Variants in SEPTIN10 observed in about 807,000 individuals in gnomAD.
The protein encoded by SEPTIN10 is septin-10.
In SEPTIN10, 66 loss-of-function variants were observed where a neutral mutation model predicts 54.8. That is an observed-to-expected ratio of 1.21 (90% CI 0.99 to 1.48). SEPTIN10 has a LOEUF of 1.48. Among genes scored for constraint, SEPTIN10 ranks in the 40% most tolerant of loss-of-function variants. SEPTIN10 has a pLI of 0.00. For synonymous variants in SEPTIN10, 161 were observed against 181.0 expected, an observed-to-expected ratio of 0.89 and a Z score of 0.89; for missense variants, 620 against 545.6, an observed-to-expected ratio of 1.14 and a Z score of -1.36.
At chr2:109,560,812 C>T (rs574344430) in intron 8 of SEPTIN10, among the ~76,000 whole-genome samples, 17 of 152,170 alleles carry the variant, frequency 1.1e-4, no homozygotes, top group Admixed American at 2.6e-4. Flanking sequence ...GGAGACTAGG[C>T]GTCTCCTTCT....
chr2:109,550,089 G>A (rs529216645), intron 9 of SEPTIN10, among the ~76,000 whole-genome samples: 9 of 151,760 alleles, frequency 5.9e-5, no homozygotes, highest in African/African-American at 1.9e-4. Context: ...TCAGGAGTTC[G>A]AGACCAGCCT....
chr2:109,601,181 G>A (rs995971990), intron 1 of SEPTIN10, among the ~76,000 whole-genome samples: 2 of 152,170 alleles, frequency 1.3e-5, no homozygotes, highest in East Asian at 3.9e-4. Flanking sequence ...GAGACTGGGG[G>A]ATGAAACTGA....
chr2:109,566,120 T>A (rs1465031878), intron 6 of SEPTIN10, among the ~76,000 whole-genome samples: 2 of 151,904 alleles, frequency 1.3e-5, no homozygotes, highest in African/African-American at 2.4e-5. Context: ...AAAATTTATT[T>A]ATTTATTTTT....
At position 109,567,820 on chromosome 2, in the gene SEPTIN10, T is replaced by C. The variant is rs1243276268; in HGVS notation, c.757A>G (p.Met253Val). The change falls in exon 6 of 11, where the codon ATG becomes GTG. Residue 253 changes from methionine to valine, a missense_variant. By Grantham distance (21) the Met-to-Val change is conservative (BLOSUM62 1). Coordinates refer to ENST00000397712, the MANE Select transcript of SEPTIN10 (RefSeq NM_144710.5). The part of the protein sequence containing the change: ...DDTIAKVNAA[M>V]NGQLPFAVVG... Reference sequence around the variant, plus strand: ...ACATTCAATCAGGAGCTCACATTCATTGCAGCGTTGACCTTAGCAATAGTG... The same window carrying C: ...ACATTCAATCAGGAGCTCACATTCACTGCAGCGTTGACCTTAGCAATAGTG... The C allele has an allele frequency of 1.9e-6, 3 of 1,589,340 alleles. No homozygotes were observed. Among genetic ancestry groups the C allele is most frequent in the East Asian group, 2.2e-5 (1 of 44,588 alleles).
chr2:109,545,532 A>C, intron 10 of SEPTIN10: 1 of 1,535,848 alleles, frequency 6.5e-7, no homozygotes, highest in Non-Finnish European at 8.7e-7. Flanking sequence ...TCGAATCGAC[A>C]GCCTGGTTCC....
intron 9 of SEPTIN10, among the ~76,000 whole-genome samples, chr2:109,549,735 T>G (rs1682377054): frequency 6.6e-6 from 1 of 152,168 alleles, no homozygotes; most frequent in Non-Finnish European, 1.5e-5. Context: ...ACCCTATGTT[T>G]TTTCCTATAT....
intron 1 of SEPTIN10, chr2:109,613,207 C>A: frequency 3.1e-6 from 4 of 1,283,058 alleles, no homozygotes; most frequent in East Asian, 5.6e-5. Flanking sequence ...TACTAACAAG[C>A]GAGATAAATC....
chr2:109,595,870 A>G (rs1189848880), intron 1 of SEPTIN10, among the ~76,000 whole-genome samples: 1 of 152,206 alleles, frequency 6.6e-6, no homozygotes, highest in African/African-American at 2.4e-5. Flanking sequence ...CATTAGACAC[A>G]ATGAGGAGGA....
chr2:109,567,849 T>C lies in SEPTIN10; in HGVS notation c.728A>G (p.Asp243Gly). 3 of 1,611,826 alleles carry C rather than the reference T, an allele frequency of 1.9e-6. No homozygotes were observed. The highest frequency in any genetic ancestry group is 2.5e-6 in the Non-Finnish European group (3 of 1,179,258). ...GVQIYQFPTD[D>G]DTIAKVNAAM... ...AGCGTTGACCTTAGCAATAGTGTCA[T>C]CATCCGTTGGGAACTGGTATATCTG... The change falls in exon 6 of 11, where the codon GAT becomes GGT. Residue 243 changes from aspartate to glycine, a missense_variant. Asp to Gly is a moderately conservative substitution (Grantham distance 94, BLOSUM62 -1). Transcript: ENST00000397712.
At chr2:109,573,582 C>A (rs867264250) in intron 5 of SEPTIN10, among the ~76,000 whole-genome samples, 19 of 152,178 alleles carry the variant, frequency 1.2e-4, no homozygotes, top group African/African-American at 4.6e-4. Flanking sequence ...GGCAGGCCTT[C>A]AGGCTTTCCA....
At chr2:109,572,335 G>A (rs1012635363) in intron 5 of SEPTIN10, among the ~76,000 whole-genome samples, 21 of 152,056 alleles carry the variant, frequency 1.4e-4, no homozygotes, top group African/African-American at 1.2e-4. Context: ...GGGTTTCACC[G>A]TGTTAGCCAG....
chr2:109,544,149 T>C lies in SEPTIN10; in HGVS notation c.*160A>G, dbSNP rs762693151. On this transcript the variant is annotated 3_prime_UTR_variant, in exon 11 of 11. Transcript: ENST00000397712. ...ATTCACTCTGGCTTATGTATTGACC[T>C]TGTACTTGAAAGTACTTTTCCATAA... 1.3e-6 allele frequency: 2 copies of C among 1,550,072 alleles called. No individual in the cohort carries two copies. Among genetic ancestry groups the C allele is most frequent in the Non-Finnish European group, 1.7e-6 (2 of 1,150,364 alleles).
intron 1 of SEPTIN10, among the ~76,000 whole-genome samples, chr2:109,598,581 G>A (rs1365080237): frequency 6.6e-6 from 1 of 151,638 alleles, no homozygotes; most frequent in African/African-American, 2.4e-5. Flanking sequence ...GGTGGCTCAT[G>A]CCTGTAATCT....
chr2:109,602,578 G>C (rs567055725), intron 1 of SEPTIN10, among the ~76,000 whole-genome samples: 1 of 151,914 alleles, frequency 6.6e-6, no homozygotes, highest in South Asian at 2.1e-4. Context: ...GGGAGGGTGA[G>C]GCAGGAGAAT....
intron 1 of SEPTIN10, among the ~76,000 whole-genome samples, chr2:109,606,714 C>CTT: frequency 8.9e-6 from 1 of 111,918 alleles, no homozygotes; most frequent in Non-Finnish European, 1.7e-5. Flanking sequence ...GAGTCTCACT[C>CTT]TGTCACTCAG....
chr2:109,547,059 T>G lies in SEPTIN10; in HGVS notation c.1162-822A>C, dbSNP rs530312008. The stretch of plus-strand genomic sequence containing the variant: ...CAAAGAAAAAAGGTATCCAGCCCCC[T>G]TCCCCAACCAGGGAGAACAAAGGTT... On this transcript the variant is annotated intron_variant, in intron 9 of 10. Transcript: ENST00000397712. Among the ~76,000 whole-genome samples the G allele has an allele frequency of 3.9e-5, 6 of 152,250 alleles. 1 individual carries two copies. Among genetic ancestry groups the G allele is most frequent in the African/African-American group, 1.4e-4 (6 of 41,566 alleles).
chr2:109,567,125 G>A (rs1687215702), intron 6 of SEPTIN10, among the ~76,000 whole-genome samples: 2 of 152,080 alleles, frequency 1.3e-5, no homozygotes, highest in South Asian at 4.1e-4. Flanking sequence ...TCACTGTTAG[G>A]CGCTTAACAA....
Position 109,585,738 on chromosome 2 carries a change from A to C in SEPTIN10, c.200T>G (p.Phe67Cys), listed in dbSNP as rs755982386. Residue 67 changes from phenylalanine to cysteine, a missense_variant, in exon 3 of 11, where the codon TTT becomes TGT. Phe to Cys is a radical substitution (Grantham distance 205). Coordinates refer to ENST00000397712, the MANE Select transcript of SEPTIN10 (RefSeq NM_144710.5). ...VNRSIQQGFC[F>C]NILCVGETGI... ...GCACGTACCCACACAGAGAATATTA[A>C]AGCAGAAACCTTGCTGAATGGATCT... The C allele has an allele frequency of 3.7e-6, 6 of 1,612,814 alleles. No individual in the cohort carries two copies. In the African/African-American group the frequency reaches 8.0e-5, roughly 22 times the overall value.
intron 10 of SEPTIN10, chr2:109,544,913 C>T (rs1680799818): frequency 3.1e-6 from 3 of 961,300 alleles, no homozygotes; most frequent in African/African-American, 3.5e-5. Context: ...CATGAGAATT[C>T]CTTCCTCTTT....
Sources: gnomAD v4.1 joint callset for allele counts (sites outside exome capture counted in the v4.1 genomes callset) on GRCh38, gnomAD v4.1.1 for gene constraint, MANE v1.5 for transcripts, NCBI Gene and HGNC (gene_info 2026-07-23, HGNC 2026-07-21) for gene names.